The following PPARGC1A variants were observed in gnomAD, a reference collection of about 807,000 sequenced individuals.
The protein encoded by PPARGC1A is PPARG coactivator 1 alpha.
PPARGC1A carries 25 observed loss-of-function variants against 88.7 expected under a neutral mutation model. The observed-to-expected ratio is 0.28, with a 90% CI of 0.21 to 0.39. The LOEUF (loss-of-function observed/expected upper bound fraction) is 0.39. PPARGC1A is among the 10% of genes least tolerant of loss of function. The pLI, the probability that PPARGC1A is intolerant of heterozygous loss-of-function variation, is 1.00. For synonymous variants in PPARGC1A, 363 were observed against 355.6 expected, an observed-to-expected ratio of 1.02 and a Z score of -0.24; for missense variants, 880 against 968.7, an observed-to-expected ratio of 0.91 and a Z score of 1.22.
the PPARGC1A span, among the ~76,000 whole-genome samples, chr4:24,177,801 C>T: frequency 2.6e-5 from 4 of 151,962 alleles, no homozygotes; most frequent in African/African-American, 4.8e-5. Flanking sequence ...AAGGAATCTA[C>T]CTTCTGAAGA....
chr4:23,995,503 A>C, the PPARGC1A span, among the ~76,000 whole-genome samples: 1 of 152,182 alleles, frequency 6.6e-6, no homozygotes, highest in African/African-American at 2.4e-5. Flanking sequence ...AAATTCCCTC[A>C]GCTTTGCACA....
At chr4:23,938,348 T>C in the PPARGC1A span, among the ~76,000 whole-genome samples, 3 of 152,218 alleles carry the variant, frequency 2.0e-5, no homozygotes, top group African/African-American at 4.8e-5. Flanking sequence ...ATGCACATCT[T>C]CTTCTGGTCC....
At chr4:24,244,209 G>A in the PPARGC1A span, among the ~76,000 whole-genome samples, 4 of 152,220 alleles carry the variant, frequency 2.6e-5, no homozygotes, top group African/African-American at 4.8e-5. Flanking sequence ...AGGGGTAGAA[G>A]TACAGGGAAA....
At chr4:23,869,303 C>G (rs1057063234) in intron 2 of PPARGC1A, among the ~76,000 whole-genome samples, 4 of 152,144 alleles carry the variant, frequency 2.6e-5, no homozygotes, top group Non-Finnish European at 5.9e-5. Context: ...AAAGGATAAG[C>G]ATGAGAGAAA....
the PPARGC1A span, among the ~76,000 whole-genome samples, chr4:24,163,936 C>T: frequency 0.028 from 4,328 of 152,240 alleles, 184 homozygotes; most frequent in East Asian, 0.098. Flanking sequence ...TTTAAATAAA[C>T]ACATTTTGAA....
At chr4:24,128,572 G>A in the PPARGC1A span, among the ~76,000 whole-genome samples, 4 of 145,038 alleles carry the variant, frequency 2.8e-5, no homozygotes, top group African/African-American at 7.5e-5. Context: ...GTGTGTGTGT[G>A]TGTGTGTGCA....
chr4:24,327,381 T>C, the PPARGC1A span, among the ~76,000 whole-genome samples: 1 of 152,204 alleles, frequency 6.6e-6, no homozygotes, highest in Non-Finnish European at 1.5e-5. Flanking sequence ...TGATATCTCC[T>C]CGTGCTATCC....
the PPARGC1A span, among the ~76,000 whole-genome samples, chr4:24,411,363 T>C: frequency 1.9e-4 from 29 of 152,328 alleles, no homozygotes; most frequent in African/African-American, 6.5e-4. Flanking sequence ...ATAGGTTTTA[T>C]AATTTTAGAG....
At chr4:24,387,538 A>G in the PPARGC1A span, among the ~76,000 whole-genome samples, 1 of 152,052 alleles carries the variant, frequency 6.6e-6, no homozygotes, top group Non-Finnish European at 1.5e-5. Context: ...ATCCTGGCCA[A>G]CATGGTGAAA....
chr4:24,078,107 T>A, the PPARGC1A span, among the ~76,000 whole-genome samples: 1 of 151,670 alleles, frequency 6.6e-6, no homozygotes, highest in Non-Finnish European at 1.5e-5. Flanking sequence ...TCCTCAAATT[T>A]TTTTTTTTGT....
chr4:24,003,826 T>TC, the PPARGC1A span, among the ~76,000 whole-genome samples: 1 of 151,224 alleles, frequency 6.6e-6, no homozygotes, highest in East Asian at 1.9e-4. Context: ...ATTGATTTTT[T>TC]TTTTTTTTCA....
Position 23,795,426 on chromosome 4 carries a change from T to G in PPARGC1A, c.*396A>C, listed in dbSNP as rs1717404578. ...TTTGAAATGGTTTGCCCTTGCGCAT[T>G]CTGGTCAGGTGCCCCCAGTCCTCAC... is the stretch of plus-strand genomic sequence containing the variant. On this transcript the variant is annotated 3_prime_UTR_variant, in exon 13 of 13. Transcript: ENST00000264867. 6.4e-6 allele frequency: 1 copy of G among 155,250 alleles called. No homozygotes were observed. The highest frequency in any genetic ancestry group is 6.6e-5 in the Admixed American group (1 of 15,162). The allele number at this position is 155,250 out of a possible 1,614,324, so 9.6% of individuals were successfully genotyped here.
chr4:24,384,107 C>T, the PPARGC1A span, among the ~76,000 whole-genome samples: 1 of 152,090 alleles, frequency 6.6e-6, no homozygotes, highest in Non-Finnish European at 1.5e-5. Context: ...GAATTTTCAA[C>T]CCAGAATTTC....
At chr4:24,165,072 C>G in the PPARGC1A span, among the ~76,000 whole-genome samples, 1 of 152,030 alleles carries the variant, frequency 6.6e-6, no homozygotes, top group South Asian at 2.1e-4. Context: ...CTTTATAACT[C>G]TCTCAAAATA....
chr4:24,313,824 T>C, the PPARGC1A span, among the ~76,000 whole-genome samples: 1 of 152,154 alleles, frequency 6.6e-6, no homozygotes, highest in Admixed American at 6.5e-5. Context: ...TAGGAGAAAT[T>C]ACAAGATTGC....
the PPARGC1A span, among the ~76,000 whole-genome samples, chr4:24,060,551 A>G: frequency 1.3e-5 from 2 of 152,240 alleles, no homozygotes. Flanking sequence ...AAAAATCGCT[A>G]TAAAAACAAA....
chr4:23,922,560 C>G, the PPARGC1A span, among the ~76,000 whole-genome samples: 1 of 152,144 alleles, frequency 6.6e-6, no homozygotes, highest in African/African-American at 2.4e-5. Flanking sequence ...AGAGTAAGAG[C>G]AGTGCTTTAT....
the PPARGC1A span, among the ~76,000 whole-genome samples, chr4:24,122,580 G>A: frequency 6.6e-6 from 1 of 151,924 alleles, no homozygotes; most frequent in Admixed American, 6.6e-5. Flanking sequence ...GTACCATAAG[G>A]TACTGAGAAA....
At chr4:23,871,964 G>A (rs753643422) in intron 2 of PPARGC1A, among the ~76,000 whole-genome samples, 2 of 152,082 alleles carry the variant, frequency 1.3e-5, no homozygotes, top group Non-Finnish European at 2.9e-5. Flanking sequence ...GAAAGGGATC[G>A]GTAGCATTCT....
Sources: allele counts gnomAD v4.1 joint callset (sites outside exome capture counted in the v4.1 genomes callset), GRCh38; gene constraint gnomAD v4.1.1; transcripts MANE v1.5; gene names NCBI Gene and HGNC (gene_info 2026-07-23, HGNC 2026-07-21).